Variants in ESPN observed in about 807,000 individuals in gnomAD.
ESPN encodes the protein autosomal recessive deafness type 36 protein.
Under a neutral mutation model 77.7 loss-of-function variants are expected in ESPN, and 68 were observed. The ratio of observed to expected loss-of-function variants is 0.87; its 90% CI spans 0.72 to 1.07. The LOEUF (loss-of-function observed/expected upper bound fraction) is 1.07, where lower values mean the gene tolerates loss of function less well. Ranked by LOEUF, ESPN falls within the 50% of genes least tolerant of loss-of-function variation. The pLI is 0.00. For synonymous variants in ESPN, 449 were observed against 567.1 expected, an observed-to-expected ratio of 0.79 and a Z score of 2.96; for missense variants, 1,060 against 1,239.0, an observed-to-expected ratio of 0.86 and a Z score of 2.17.
chr1:6,455,191 T>C (rs1644029045), intron 10 of ESPN: 2 of 388,352 alleles, frequency 5.1e-6, no homozygotes, highest in Admixed American at 4.5e-5. Flanking sequence ...CAGGCGGCGC[T>C]GCCTGAGCCC....
chr1:6,445,019 A>G (rs968232305), intron 6 of ESPN, among the ~76,000 whole-genome samples: 4 of 152,182 alleles, frequency 2.6e-5, no homozygotes, highest in Non-Finnish European at 5.9e-5. Context: ...GAACACACAG[A>G]GCCATGCGAA....
intron 10 of ESPN, among the ~76,000 whole-genome samples, chr1:6,453,813 G>C (rs1469828686): frequency 6.6e-6 from 1 of 152,180 alleles, no homozygotes; most frequent in African/African-American, 2.4e-5. Flanking sequence ...GGGGAAAACT[G>C]GACATCAGAG....
At chr1:6,446,221 G>A (rs1332815731) in intron 7 of ESPN, among the ~76,000 whole-genome samples, 9 of 152,188 alleles carry the variant, frequency 5.9e-5, no homozygotes. Flanking sequence ...GCCACCTCTT[G>A]CACAGAGTGG....
At position 6,431,628 on chromosome 1, in the gene ESPN, CAAAAAAAAAAA is replaced by C. The variant is rs760363517; in HGVS notation, c.488+3224_488+3234del. 6.0e-4 allele frequency among the ~76,000 whole-genome samples: 37 copies of C among 61,788 alleles called. 1 individual carries two copies. The highest frequency in any genetic ancestry group is 5.6e-3 in the South Asian group (9 of 1,618). The allele number at this position is 61,788 out of a possible 152,430, so 40.5% of individuals were successfully genotyped here. On this transcript the variant is annotated intron_variant, in intron 2 of 12. Transcript: ENST00000645284. ...CCTGAGCAACAGAGCAAGATTCTGTCAAAAAAAAAAAAAAAAAAAAAAAAAGGAACGAACGA... is the reference window on the plus strand; with the variant it reads ...CCTGAGCAACAGAGCAAGATTCTGTCAAAAAAAAAAAAAAGGAACGAACGA...
chr1:6,425,696 TG>T (rs1280142595), intron 1 of ESPN, among the ~76,000 whole-genome samples: 1 of 152,172 alleles, frequency 6.6e-6, no homozygotes, highest in Non-Finnish European at 1.5e-5. Context: ...AGCCAGGGTG[TG>T]GGGGAAGGGT....
chr1:6,435,664 C>T (rs1318454512), intron 2 of ESPN, among the ~76,000 whole-genome samples: 1 of 152,162 alleles, frequency 6.6e-6, no homozygotes, highest in Non-Finnish European at 1.5e-5. Context: ...AGTCAGAGGT[C>T]TCCCCAAAGA....
intron 1 of ESPN, among the ~76,000 whole-genome samples, chr1:6,426,336 G>A (rs550526730): frequency 6.6e-6 from 1 of 152,352 alleles, no homozygotes; most frequent in Admixed American, 6.5e-5. Context: ...TCTTTTGGGC[G>A]GTGGCATGCC....
intron 2 of ESPN, among the ~76,000 whole-genome samples, chr1:6,429,054 G>T (rs956263685): frequency 2.6e-5 from 4 of 151,880 alleles, no homozygotes; most frequent in Non-Finnish European, 4.4e-5. Context: ...CCCTGGGTGG[G>T]GTGGGGGGTC....
intron 5 of ESPN, among the ~76,000 whole-genome samples, 178 bp from the exon 6 acceptor site, chr1:6,444,303 C>G (rs1198961419): frequency 6.6e-6 from 1 of 152,172 alleles, no homozygotes; most frequent in Non-Finnish European, 1.5e-5. Context: ...CGGGGCTGGG[C>G]TTGAATCTTA....
chr1:6,444,959 CACAT>C (rs1643774349), intron 6 of ESPN, among the ~76,000 whole-genome samples: 1 of 152,216 alleles, frequency 6.6e-6, no homozygotes, highest in Non-Finnish European at 1.5e-5. Flanking sequence ...CTTAGCTACT[CACAT>C]ACAAAAGCAC....
At chr1:6,438,700 C>T (rs1444276639) in intron 2 of ESPN, among the ~76,000 whole-genome samples, 3 of 152,264 alleles carry the variant, frequency 2.0e-5, no homozygotes, top group Non-Finnish European at 4.4e-5. Flanking sequence ...GGTGATGGCA[C>T]AGAGTCCCAG....
chr1:6,441,892 C>T (rs946020634), intron 5 of ESPN, among the ~76,000 whole-genome samples: 6 of 152,208 alleles, frequency 3.9e-5, no homozygotes, highest in South Asian at 2.1e-4. Flanking sequence ...GGTCCTGGCT[C>T]TGGGGGCTGC....
intron 10 of ESPN, among the ~76,000 whole-genome samples, chr1:6,453,194 C>T (rs1416783788): frequency 6.6e-6 from 1 of 152,170 alleles, no homozygotes; most frequent in Admixed American, 6.5e-5. Context: ...ACGCCTGGCC[C>T]CCGAGTGCCA....
At chr1:6,459,430 G>A (rs768018921) in intron 12 of ESPN, among the ~76,000 whole-genome samples, 1 of 152,196 alleles carries the variant, frequency 6.6e-6, no homozygotes, top group South Asian at 2.1e-4. Context: ...CTTAGTCTTT[G>A]AAATATCATG....
At chr1:6,442,669 A>G (rs1008870861) in intron 5 of ESPN, among the ~76,000 whole-genome samples, 1 of 151,254 alleles carries the variant, frequency 6.6e-6, no homozygotes, top group Non-Finnish European at 1.5e-5. Context: ...AGAGATCGAG[A>G]CCATTCTGGC....
intron 10 of ESPN, among the ~76,000 whole-genome samples, chr1:6,453,691 G>A (rs1420754749): frequency 7.9e-5 from 12 of 152,148 alleles, no homozygotes; most frequent in Admixed American, 1.3e-4. Flanking sequence ...TGGGGAGCCG[G>A]GTGCGGGGAG....
Position 6,445,910 on chromosome 1 carries a change from T to C in ESPN, c.1439T>C (p.Val480Ala). Residue 480 changes from valine (V) to alanine (A), a missense_variant, in exon 7 of 13, where the codon GTG becomes GCG. Val to Ala is a moderately conservative substitution (Grantham distance 64). Coordinates refer to ENST00000645284, the MANE Select transcript of ESPN (RefSeq NM_031475.3). ...YMQTKNKLRH[V>A]ETEALKKELS... ...CAGACCAAGAACAAACTCCGCCACG[T>C]GGAGACAGAGGCCCTCAAGAAGGAG... 1 of 1,612,096 alleles carries C rather than the reference T, an allele frequency of 6.2e-7. No individual in the cohort carries two copies. Among genetic ancestry groups the C allele is most frequent in the Middle Eastern group, 1.7e-4 (1 of 6,052 alleles).
intron 10 of ESPN, chr1:6,454,802 G>A (rs2148544099): frequency 5.0e-6 from 2 of 397,532 alleles, no homozygotes; most frequent in South Asian, 2.5e-4. Context: ...CTGCGCACCT[G>A]GCGGAGCTGC....
chr1:6,439,302 C>T (rs1197483134), intron 2 of ESPN, among the ~76,000 whole-genome samples: 1 of 152,166 alleles, frequency 6.6e-6, no homozygotes, highest in Non-Finnish European at 1.5e-5. Flanking sequence ...TAAGTATGTC[C>T]CATGCAATAT....
Sources: allele counts gnomAD v4.1 joint callset (sites outside exome capture counted in the v4.1 genomes callset), GRCh38; gene constraint gnomAD v4.1.1; transcripts MANE v1.5; gene names NCBI Gene and HGNC (gene_info 2026-07-23, HGNC 2026-07-21).